Variants in ZNF521 observed in about 807,000 individuals in gnomAD.
The protein encoded by ZNF521 is LYST-interacting protein 3.
In ZNF521, 14 loss-of-function variants were observed where a neutral mutation model predicts 105.5. The observed-to-expected ratio is 0.13, with a 90% CI of 0.09 to 0.21. The LOEUF is 0.21. Among genes scored for constraint, ZNF521 ranks in the 10% least tolerant of loss-of-function variants. The pLI, the probability that ZNF521 is intolerant of heterozygous loss-of-function variation, is 1.00. For synonymous variants in ZNF521, 635 were observed against 606.0 expected (o/e 1.05, Z -0.70); for missense variants, 1,233 against 1,629.7 (o/e 0.76, Z 4.19).
At chr18:25,063,345 G>C (rs1057101539) in intron 7 of ZNF521, among the ~76,000 whole-genome samples, 1 of 152,132 alleles carries the variant, frequency 6.6e-6, no homozygotes, top group Non-Finnish European at 1.5e-5. Flanking sequence ...CCTGAGGGTG[G>C]GCTTTGGGCT....
intron 3 of ZNF521, among the ~76,000 whole-genome samples, chr18:25,284,730 G>A (rs1298225345): frequency 1.3e-5 from 2 of 151,656 alleles, no homozygotes; most frequent in African/African-American, 2.4e-5. Context: ...AAGAGATGAA[G>A]AAATATTTCC....
intron 5 of ZNF521, among the ~76,000 whole-genome samples, chr18:25,161,329 A>G (rs1434380570): frequency 6.6e-6 from 1 of 152,106 alleles, no homozygotes; most frequent in African/African-American, 2.4e-5. Context: ...AATTAACGTT[A>G]TTTGGGAAGT....
At chr18:25,323,297 G>C (rs1913034361) in intron 2 of ZNF521, among the ~76,000 whole-genome samples, 1 of 151,938 alleles carries the variant, frequency 6.6e-6, no homozygotes, top group Non-Finnish European at 1.5e-5. Flanking sequence ...TCAATGAAAT[G>C]GTTACAAAAT....
chr18:25,204,091 T>G (rs2036038222), intron 4 of ZNF521, among the ~76,000 whole-genome samples: 1 of 152,172 alleles, frequency 6.6e-6, no homozygotes, highest in Non-Finnish European at 1.5e-5. Flanking sequence ...CCGTGAGACT[T>G]CCCAAGAAGT....
intron 2 of ZNF521, among the ~76,000 whole-genome samples, chr18:25,348,898 C>G (rs1180639191): frequency 6.6e-6 from 1 of 152,182 alleles, no homozygotes; most frequent in Non-Finnish European, 1.5e-5. Flanking sequence ...CCCATAAAAT[C>G]CTACGTGCAT....
At chr18:25,215,782 C>G (rs368558272) in intron 4 of ZNF521, among the ~76,000 whole-genome samples, 78 of 152,120 alleles carry the variant, frequency 5.1e-4, no homozygotes, top group African/African-American at 1.8e-3. Flanking sequence ...ATCAGGTGAT[C>G]ACGGAACTGG....
At chr18:25,089,659 C>G (rs2144208370) in intron 6 of ZNF521, 79 bp from the exon 7 acceptor site, 1 of 1,164,864 alleles carries the variant, frequency 8.6e-7, no homozygotes, top group Non-Finnish European at 1.3e-6. Context: ...CATGAACAGA[C>G]AGCAGGCCGG....
chr18:25,320,221 G>A (rs1473288369), intron 3 of ZNF521, among the ~76,000 whole-genome samples: 1 of 152,088 alleles, frequency 6.6e-6, no homozygotes, highest in Non-Finnish European at 1.5e-5. Context: ...TGCCCAGGCT[G>A]GACTGCAATG....
chr18:25,224,068 A>G (rs1437774840), intron 4 of ZNF521: 1 of 368,384 alleles, frequency 2.7e-6, no homozygotes, highest in Non-Finnish European at 4.9e-6. Flanking sequence ...AGATCTCAGT[A>G]GTGTTGGCAT....
intron 2 of ZNF521, among the ~76,000 whole-genome samples, chr18:25,347,906 T>C (rs1418384624): frequency 1.3e-5 from 2 of 152,224 alleles, no homozygotes; most frequent in African/African-American, 4.8e-5. Context: ...AAAGTACTAG[T>C]ATGCATGTAA....
chr18:25,164,997 G>A (rs1029043233), intron 5 of ZNF521, among the ~76,000 whole-genome samples: 4 of 152,112 alleles, frequency 2.6e-5, no homozygotes, highest in Non-Finnish European at 5.9e-5. Flanking sequence ...TATGACTTTC[G>A]TGTTCGTGTG....
chr18:25,315,081 T>C (rs976614206), intron 3 of ZNF521, among the ~76,000 whole-genome samples: 1 of 152,114 alleles, frequency 6.6e-6, no homozygotes, highest in Admixed American at 6.5e-5. Flanking sequence ...AATGATAGGG[T>C]TTGTGGATTA....
At chr18:25,129,133 C>T (rs11874102) in intron 5 of ZNF521, among the ~76,000 whole-genome samples, 66,465 of 151,206 alleles carry the variant, frequency 0.44, 14,738 homozygotes, top group South Asian at 0.56. Flanking sequence ...TAGAGAGCCC[C>T]GAATTGATTC....
chr18:25,344,274 A>G (rs1048104734), intron 2 of ZNF521, among the ~76,000 whole-genome samples: 4 of 151,322 alleles, frequency 2.6e-5, no homozygotes, highest in Admixed American at 6.6e-5. Context: ...TTTTTATGCC[A>G]GGAGTTGCAT....
chr18:25,268,414 A>G (rs1332221254), intron 3 of ZNF521, among the ~76,000 whole-genome samples: 1 of 152,196 alleles, frequency 6.6e-6, no homozygotes, highest in Admixed American at 6.5e-5. Context: ...CCAACATTCA[A>G]ATTCAGGAAA....
At chr18:25,239,195 T>G (rs985466408) in intron 3 of ZNF521, among the ~76,000 whole-genome samples, 3 of 152,208 alleles carry the variant, frequency 2.0e-5, no homozygotes, top group Admixed American at 6.5e-5. Flanking sequence ...GGACTCCATA[T>G]TTCAAATCTT....
intron 5 of ZNF521, among the ~76,000 whole-genome samples, chr18:25,153,652 T>C (rs1470732533): frequency 6.6e-6 from 1 of 152,222 alleles, no homozygotes; most frequent in Non-Finnish European, 1.5e-5. Context: ...ACAGATGCTG[T>C]CAGGACCGAA....
At chr18:25,272,509 A>G (rs1383146828) in intron 3 of ZNF521, among the ~76,000 whole-genome samples, 2 of 152,202 alleles carry the variant, frequency 1.3e-5, no homozygotes, top group East Asian at 3.9e-4. Context: ...CTTGGAACCA[A>G]CCCAAATGCT....
intron 3 of ZNF521, among the ~76,000 whole-genome samples, chr18:25,278,252 G>T (rs1910156097): frequency 1.3e-5 from 2 of 152,132 alleles, no homozygotes; most frequent in South Asian, 4.1e-4. Flanking sequence ...CCTCTACCGA[G>T]AATCCAATTT....
Sources: allele counts gnomAD v4.1 joint callset (sites outside exome capture counted in the v4.1 genomes callset), GRCh38; gene constraint gnomAD v4.1.1; transcripts MANE v1.5; gene names NCBI Gene and HGNC (gene_info 2026-07-23, HGNC 2026-07-21).